HIPK2: variants seen among roughly 807,000 people sequenced by gnomAD.
HIPK2 encodes the protein homeodomain interacting protein kinase 2, also known as homeodomain-interacting protein kinase 2.
A neutral mutation model predicts 113.7 loss-of-function variants in HIPK2; 27 were observed. That is an observed-to-expected ratio of 0.24 (90% CI 0.17 to 0.33). The LOEUF (loss-of-function observed/expected upper bound fraction) is 0.33, where lower values mean the gene tolerates loss of function less well. Among genes scored for constraint, HIPK2 ranks in the 10% least tolerant of loss-of-function variants. The pLI is 1.00. For synonymous variants in HIPK2, 631 were observed against 642.2 expected, an observed-to-expected ratio of 0.98 and a Z score of 0.26; for missense variants, 1,257 against 1,588.0, an observed-to-expected ratio of 0.79 and a Z score of 3.54.
chr7:139,700,310 T>C (rs1259879186), intron 2 of HIPK2, among the ~76,000 whole-genome samples: 1 of 152,090 alleles, frequency 6.6e-6, no homozygotes, highest in Non-Finnish European at 1.5e-5. Context: ...GCTGTACCGT[T>C]GTAGTGGTCA....
At chr7:139,696,742 G>T (rs984464305) in intron 2 of HIPK2, among the ~76,000 whole-genome samples, 2 of 151,930 alleles carry the variant, frequency 1.3e-5, no homozygotes, top group African/African-American at 2.4e-5. Context: ...AAGAGTAAAG[G>T]GGGAAGAGTC....
intron 1 of HIPK2, among the ~76,000 whole-genome samples, chr7:139,772,324 C>T (rs761764496): frequency 1.3e-5 from 2 of 152,202 alleles, no homozygotes; most frequent in Non-Finnish European, 2.9e-5. Context: ...CAAGAGTCCA[C>T]TCGCAACAAA....
chr7:139,674,460 G>A (rs889431166), intron 2 of HIPK2, among the ~76,000 whole-genome samples: 1 of 152,230 alleles, frequency 6.6e-6, no homozygotes, highest in Non-Finnish European at 1.5e-5. Flanking sequence ...GATGAGATGC[G>A]TGCTGAGCCT....
At chr7:139,641,532 C>T (rs980414270) in intron 2 of HIPK2, among the ~76,000 whole-genome samples, 3 of 152,182 alleles carry the variant, frequency 2.0e-5, no homozygotes, top group Non-Finnish European at 4.4e-5. Flanking sequence ...GACAGCCATG[C>T]GCTTGGGCTG....
rs534179613 is a variant in HIPK2, at chr7:139,765,240, C to T, written c.19+12365G>A. ...GACCTAGTATATCTACTTTGGAGGA[C>T]CTATCCTAACATCTAGACAAACCTC... On this transcript the variant is annotated intron_variant, in intron 1 of 14. Coordinates refer to ENST00000406875, the MANE Select transcript of HIPK2 (RefSeq NM_022740.5). Among the ~76,000 whole-genome samples the T allele has an allele frequency of 7.2e-5, 11 of 152,204 alleles. No individual in the cohort carries two copies. In the South Asian group the frequency reaches 2.3e-3, roughly 32 times the overall value.
Position 139,585,188 on chromosome 7 carries a change from G to A in HIPK2, c.2718-1124C>T, listed in dbSNP as rs142739016. Among the ~76,000 whole-genome samples the A allele has an allele frequency of 3.5e-4, 54 of 152,320 alleles. 1 individual carries two copies. The East Asian group carries it at 0.01, about 29-fold the overall frequency. ...GAGAGAAGCAGCTGGTATTTACGGA[G>A]CCTCATAGAGTCACAGCCACCTCCC... is the stretch of plus-strand genomic sequence containing the variant. On this transcript the variant is annotated intron_variant, in intron 12 of 14. Coordinates refer to ENST00000406875, the MANE Select transcript of HIPK2 (RefSeq NM_022740.5).
At position 139,583,899 on chromosome 7, in the gene HIPK2, C is replaced by T. The variant is rs557296739; in HGVS notation, c.2883G>A (p.Thr961=). ...DTKGSLENHC[T]GNPRTIIVPP... is the part of the protein sequence containing the mutation. Reference sequence around the variant, plus strand: ...GCACGATGATGGTTCGGGGGTTCCCCGTGCAGTGATTCTCCAGGCTCCCCT... The same window carrying T: ...GCACGATGATGGTTCGGGGGTTCCCTGTGCAGTGATTCTCCAGGCTCCCCT... Residue 961 remains threonine, a synonymous_variant, in exon 13 of 15, where the codon ACG becomes ACA. Coordinates refer to ENST00000406875, the MANE Select transcript of HIPK2 (RefSeq NM_022740.5). The T allele has an allele frequency of 3.7e-5, 60 of 1,613,748 alleles. No individual in the cohort carries two copies. Among genetic ancestry groups the T allele is most frequent in the Non-Finnish European group, 4.3e-5 (51 of 1,179,848 alleles).
At position 139,573,379 on chromosome 7, in the gene HIPK2, TG is replaced by T; in HGVS notation, c.3144del (p.Thr1049ArgfsTer98). ...LNLSQAQQHI[T>X]TDRTGSHRRQ... is the part of the protein sequence containing the mutation. ...CTTCGGTGGCTCCCAGTGCGGTCCG[TG>T]GTGATGTGCTGCTGAGCCTGGGGAG... On this transcript the variant is annotated frameshift_variant, in exon 15 of 15. Coordinates refer to ENST00000406875, the MANE Select transcript of HIPK2 (RefSeq NM_022740.5). LOFTEE classifies it high-confidence loss of function. 1 of 1,602,208 alleles carries T rather than the reference TG, an allele frequency of 6.2e-7. No homozygotes were observed. The highest frequency in any genetic ancestry group is 8.5e-7 in the Non-Finnish European group (1 of 1,179,434).
Position 139,619,634 on chromosome 7 carries a change from C to T in HIPK2, c.1782+767G>A, listed in dbSNP as rs530375906. On this transcript the variant is annotated intron_variant, in intron 7 of 14. Coordinates refer to ENST00000406875, the MANE Select transcript of HIPK2 (RefSeq NM_022740.5). ...CGGAGAAAGGACAGGGTTTATCTGTCCCAAAAGGAGATCAGGTAGATCCAG... is the reference window on the plus strand; with the variant it reads ...CGGAGAAAGGACAGGGTTTATCTGTTCCAAAAGGAGATCAGGTAGATCCAG... Among the ~76,000 whole-genome samples, 16 of 152,232 alleles carry T rather than the reference C, an allele frequency of 1.1e-4. No homozygotes were observed. In the South Asian group the frequency reaches 3.1e-3, roughly 30 times the overall value.
intron 1 of HIPK2, among the ~76,000 whole-genome samples, chr7:139,738,284 C>G (rs1356341005): frequency 6.6e-6 from 1 of 152,238 alleles, no homozygotes; most frequent in Admixed American, 6.5e-5. Context: ...TGAGAGCGCC[C>G]TATTCTTGGG....
At chr7:139,668,535 C>T (rs1398133503) in intron 2 of HIPK2, among the ~76,000 whole-genome samples, 1 of 149,394 alleles carries the variant, frequency 6.7e-6, no homozygotes, top group African/African-American at 2.5e-5. Context: ...CGCGCCACTG[C>T]ACTCCAGCCT....
chr7:139,644,012 G>A (rs1464468984), intron 2 of HIPK2, among the ~76,000 whole-genome samples: 1 of 152,130 alleles, frequency 6.6e-6, no homozygotes, highest in African/African-American at 2.4e-5. Flanking sequence ...ACCAGGCCAC[G>A]CTTTATGCTT....
At chr7:139,704,131 CCACA>C (rs1157756895) in intron 2 of HIPK2, among the ~76,000 whole-genome samples, 1 of 129,488 alleles carries the variant, frequency 7.7e-6, no homozygotes, top group African/African-American at 2.9e-5. Context: ...CACACACACA[CCACA>C]CACACACACC....
At chr7:139,700,560 T>C (rs1794679582) in intron 2 of HIPK2, among the ~76,000 whole-genome samples, 1 of 152,174 alleles carries the variant, frequency 6.6e-6, no homozygotes, top group African/African-American at 2.4e-5. Context: ...TTCCTTTGTG[T>C]ACATCCACGC....
At chr7:139,634,032 C>T (rs931452420) in intron 2 of HIPK2, among the ~76,000 whole-genome samples, 5 of 151,682 alleles carry the variant, frequency 3.3e-5, no homozygotes, top group Admixed American at 2.0e-4. Flanking sequence ...ACTGCTTGAG[C>T]CCAGGAGTTT....
At chr7:139,705,382 C>CCTT (rs1491379734) in intron 2 of HIPK2, among the ~76,000 whole-genome samples, 1 of 146,912 alleles carries the variant, frequency 6.8e-6, no homozygotes, top group African/African-American at 2.5e-5. Context: ...TAGTTTCCCC[C>CCTT]TTTTTTTTTT....
intron 4 of HIPK2, among the ~76,000 whole-genome samples, chr7:139,629,585 T>C (rs1800543735): frequency 6.6e-6 from 1 of 152,230 alleles, no homozygotes; most frequent in African/African-American, 2.4e-5. Flanking sequence ...ACATGGCCAA[T>C]AGGTGGCAGC....
chr7:139,582,005 A>T (rs1585235034), intron 13 of HIPK2, among the ~76,000 whole-genome samples: 1 of 152,212 alleles, frequency 6.6e-6, no homozygotes, highest in Admixed American at 6.5e-5. Context: ...CTGAGCTGAA[A>T]AGTATGCAGC....
rs73475923 is a variant in HIPK2, at chr7:139,771,747, G to C, written c.19+5858C>G. On this transcript the variant is annotated intron_variant, in intron 1 of 14. Transcript: ENST00000406875. ...TTAACTGCCACCATTTTTTTAAATA[G>C]GGAGAAACTAGAGAGAGTTCAGAAG... Among the ~76,000 whole-genome samples, 1,318 of 152,198 alleles carry C rather than the reference G, an allele frequency of 8.7e-3. 14 individuals carry two copies. The highest frequency in any genetic ancestry group is 0.03 in the African/African-American group (1,239 of 41,542).
Sources: allele counts gnomAD v4.1 joint callset (sites outside exome capture counted in the v4.1 genomes callset), GRCh38; gene constraint gnomAD v4.1.1; transcripts MANE v1.5; gene names NCBI Gene and HGNC (gene_info 2026-07-23, HGNC 2026-07-21).